Variants in STX11 observed in about 807,000 individuals in gnomAD.
STX11 encodes the protein syntaxin-11.
STX11 carries 21 observed loss-of-function variants against 19.9 expected under a neutral mutation model. The observed-to-expected ratio is 1.06, with a 90% CI of 0.75 to 1.52. The LOEUF (loss-of-function observed/expected upper bound fraction) is 1.52, where lower values mean the gene tolerates loss of function less well. Ranked by LOEUF, STX11 falls within the 40% of genes most tolerant of loss-of-function variation. The pLI is 0.00. For missense variants in STX11, 438 were observed against 405.9 expected, an observed-to-expected ratio of 1.08 and a Z score of -0.68; for synonymous variants, 193 against 174.4, an observed-to-expected ratio of 1.11 and a Z score of -0.84.
chr6:144,179,934 C>T (rs1026146891), intron 1 of STX11, among the ~76,000 whole-genome samples: 3 of 152,156 alleles, frequency 2.0e-5, no homozygotes, highest in African/African-American at 7.2e-5. Context: ...GAGTGTATAT[C>T]TTGGGGACAG....
At chr6:144,185,994 C>T (rs1802017847) in intron 1 of STX11, among the ~76,000 whole-genome samples, 1 of 151,622 alleles carries the variant, frequency 6.6e-6, no homozygotes, top group African/African-American at 2.4e-5. Flanking sequence ...GGCCCCAAAG[C>T]CTTGTAGATT....
intron 1 of STX11, among the ~76,000 whole-genome samples, chr6:144,161,004 G>T (rs1038304343): frequency 6.6e-6 from 1 of 152,134 alleles, no homozygotes; most frequent in Non-Finnish European, 1.5e-5. Flanking sequence ...TATAAAAGGA[G>T]CATATGAATG....
chr6:144,174,911 A>T lies in STX11; in HGVS notation c.-5-11712A>T, dbSNP rs1462391443. 6.6e-6 allele frequency among the ~76,000 whole-genome samples: 1 copy of T among 152,098 alleles called. No individual in the cohort carries two copies. Among genetic ancestry groups the T allele is most frequent in the Non-Finnish European group, 1.5e-5 (1 of 68,010 alleles). On this transcript the variant is annotated intron_variant, in intron 1 of 1. Coordinates refer to ENST00000367568, the MANE Select transcript of STX11 (RefSeq NM_003764.4). The surrounding 1 kb of genome is among the most constrained non-coding windows in gnomAD (Gnocchi z 5.3). ...ACTTTGGGAGGTTGAGGCAGAGGGGATCACTTGTGCTCCAGAGTTTGAGAC... is the reference window on the plus strand; with the variant it reads ...ACTTTGGGAGGTTGAGGCAGAGGGGTTCACTTGTGCTCCAGAGTTTGAGAC...
At position 144,180,316 on chromosome 6, in the gene STX11, C is replaced by G. The variant is rs1801878352; in HGVS notation, c.-5-6307C>G. Among the ~76,000 whole-genome samples the G allele has an allele frequency of 6.6e-6, 1 of 152,172 alleles. No individual in the cohort carries two copies. The highest frequency in any genetic ancestry group is 6.6e-5 in the Admixed American group (1 of 15,266). ...GAGGCATGTTGGGAACAATGACTTT[C>G]ACAATTGTTCTTTGTAGCATCCAGT... On this transcript the variant is annotated intron_variant, in intron 1 of 1. Transcript: ENST00000367568. This position sits in a 1 kb window ranked among gnomAD's most constrained non-coding sequence, Gnocchi z 5.3.
rs1801752901 is a variant in STX11, at chr6:144,175,358, T to C, written c.-5-11265T>C. On this transcript the variant is annotated intron_variant, in intron 1 of 1. Coordinates refer to ENST00000367568, the MANE Select transcript of STX11 (RefSeq NM_003764.4). This position sits in a 1 kb window ranked among gnomAD's most constrained non-coding sequence, Gnocchi z 5.1. ...CATGTTAGAATTTTATTGCTGTAAA[T>C]GGAAATGGCAATTACATAAGAGTTT... Among the ~76,000 whole-genome samples the C allele has an allele frequency of 6.6e-6, 1 of 152,228 alleles. No individual in the cohort carries two copies. The highest frequency in any genetic ancestry group is 1.5e-5 in the Non-Finnish European group (1 of 68,024).
In STX11 at chr6:144,176,740, G is replaced by A. The variant is rs566358203; in HGVS notation, c.-5-9883G>A. Among the ~76,000 whole-genome samples, 1 of 152,196 alleles carries A rather than the reference G, an allele frequency of 6.6e-6. No individual in the cohort carries two copies. The highest frequency in any genetic ancestry group is 1.9e-4 in the East Asian group (1 of 5,188). On this transcript the variant is annotated intron_variant, in intron 1 of 1. Coordinates refer to ENST00000367568, the MANE Select transcript of STX11 (RefSeq NM_003764.4). The surrounding 1 kb of genome is among the most constrained non-coding windows in gnomAD (Gnocchi z 4.1). ...ACATGGTTGAAAGATGTTAATAATG[G>A]CCATTTGAGTCATCAATAAATTGTG...
At position 144,176,733 on chromosome 6, in the gene STX11, A is replaced by T. The variant is rs1801787123; in HGVS notation, c.-5-9890A>T. ...TTTGAACACATGGTTGAAAGATGTT[A>T]ATAATGGCCATTTGAGTCATCAATA... On this transcript the variant is annotated intron_variant, in intron 1 of 1. Coordinates refer to ENST00000367568, the MANE Select transcript of STX11 (RefSeq NM_003764.4). This position sits in a 1 kb window ranked among gnomAD's most constrained non-coding sequence, Gnocchi z 4.1. Among the ~76,000 whole-genome samples the T allele has an allele frequency of 6.6e-6, 1 of 152,202 alleles. No individual in the cohort carries two copies.
Position 144,153,872 on chromosome 6 carries a change from G to T in STX11, c.-6+3169G>T, listed in dbSNP as rs1199451876. Among the ~76,000 whole-genome samples the T allele has an allele frequency of 6.6e-6, 1 of 152,194 alleles. No homozygotes were observed. Among genetic ancestry groups the T allele is most frequent in the Non-Finnish European group, 1.5e-5 (1 of 68,028 alleles). On this transcript the variant is annotated intron_variant, in intron 1 of 1. Coordinates refer to ENST00000367568, the MANE Select transcript of STX11 (RefSeq NM_003764.4). This position sits in a 1 kb window ranked among gnomAD's most constrained non-coding sequence, Gnocchi z 5.0. ...GACTAGGATAAGAATATCCTACTCG[G>T]TGGAAGAATAGGTTTGGGCTAAAGG...
At chr6:144,181,749 G>A (rs916914553) in intron 1 of STX11, among the ~76,000 whole-genome samples, 2 of 152,130 alleles carry the variant, frequency 1.3e-5, no homozygotes, top group African/African-American at 4.8e-5. Context: ...AAGCTCTCCA[G>A]AAGATTCTGT....
intron 1 of STX11, among the ~76,000 whole-genome samples, chr6:144,173,101 CT>C (rs1801684471): frequency 6.6e-6 from 1 of 152,196 alleles, no homozygotes; most frequent in Non-Finnish European, 1.5e-5. Flanking sequence ...CAACAAATGG[CT>C]TATTTTTGCT....
intron 1 of STX11, among the ~76,000 whole-genome samples, chr6:144,163,874 G>A (rs907501383): frequency 2.0e-5 from 3 of 152,142 alleles, no homozygotes; most frequent in Non-Finnish European, 4.4e-5. Flanking sequence ...TGAGCCCAGT[G>A]GATGGAGGCT....
At position 144,159,024 on chromosome 6, in the gene STX11, AG is replaced by A. The variant is rs1801254498; in HGVS notation, c.-6+8322del. The stretch of plus-strand genomic sequence containing the variant: ...GACTGACTTCTCAAAGTATTCCCAT[AG>A]ATCCCTCTATTATGGCATTTATTAT... On this transcript the variant is annotated intron_variant, in intron 1 of 1. Coordinates refer to ENST00000367568, the MANE Select transcript of STX11 (RefSeq NM_003764.4). This position sits in a 1 kb window ranked among gnomAD's most constrained non-coding sequence, Gnocchi z 4.3. 2.6e-5 allele frequency among the ~76,000 whole-genome samples: 4 copies of A among 152,212 alleles called. No homozygotes were observed. The highest frequency in any genetic ancestry group is 2.1e-4 in the South Asian group (1 of 4,830).
upstream of STX11, among the ~76,000 whole-genome samples, chr6:144,149,748 A>G (rs1033518369): frequency 5.9e-5 from 9 of 152,156 alleles, no homozygotes; most frequent in African/African-American, 2.2e-4. The surrounding 1 kb of genome is among the most constrained non-coding windows in gnomAD (Gnocchi z 5.1). Flanking sequence ...AGTGTTAGGA[A>G]TACGCGCGTG....
At chr6:144,140,899 A>ATC in the STX11 span, 5 of 621,126 alleles carry the variant, frequency 8.0e-6, no homozygotes, top group Non-Finnish European at 1.0e-5. Context: ...CAAATGTTTA[A>ATC]TGTATCTGTG....
chr6:144,187,290 C>T lies in STX11; in HGVS notation c.663C>T (p.Ile221=). 1 of 1,612,968 alleles carries T rather than the reference C, an allele frequency of 6.2e-7. No individual in the cohort carries two copies. The highest frequency in any genetic ancestry group is 8.5e-7 in the Non-Finnish European group (1 of 1,179,972). ...AACTGCTGCGCCTGGAGAGCCGCAT[C>T]CGCGACGTACACGAGCTCTTCTTGC... ...HRELLRLESR[I]RDVHELFLQM... The change falls in exon 2 of 2, where the codon ATC becomes ATT. Residue 221 remains isoleucine, a synonymous_variant. Coordinates refer to ENST00000367568, the MANE Select transcript of STX11 (RefSeq NM_003764.4). The surrounding 1 kb of genome is among the most constrained non-coding windows in gnomAD (Gnocchi z 5.6).
In STX11 at chr6:144,159,995, A is replaced by C. The variant is rs866220066; in HGVS notation, c.-6+9292A>C. The stretch of plus-strand genomic sequence containing the variant: ...GGGTCCTTTTTCTCCTTTTCTGGCC[A>C]GTTCTTGTTTTTTAAAAAAATATTA... On this transcript the variant is annotated intron_variant, in intron 1 of 1. Coordinates refer to ENST00000367568, the MANE Select transcript of STX11 (RefSeq NM_003764.4). The surrounding 1 kb of genome is among the most constrained non-coding windows in gnomAD (Gnocchi z 4.3). 2.0e-5 allele frequency among the ~76,000 whole-genome samples: 3 copies of C among 151,832 alleles called. 1 individual carries two copies. In the South Asian group the frequency reaches 6.3e-4, roughly 32 times the overall value.
the STX11 span, among the ~76,000 whole-genome samples, chr6:144,144,602 C>T: frequency 6.6e-6 from 1 of 152,130 alleles, no homozygotes; most frequent in East Asian, 1.9e-4. Flanking sequence ...AAATAGTAGA[C>T]ACTAGTTATC....
At chr6:144,141,397 G>A in the STX11 span, among the ~76,000 whole-genome samples, 1 of 152,270 alleles carries the variant, frequency 6.6e-6, no homozygotes, top group Admixed American at 6.5e-5. Flanking sequence ...GGAATTATAG[G>A]CAGGACCACA....
At chr6:144,181,821 T>C (rs2128754853) in intron 1 of STX11, among the ~76,000 whole-genome samples, 3 of 152,260 alleles carry the variant, frequency 2.0e-5, no homozygotes, top group Middle Eastern at 6.8e-3. Context: ...TGTTTTCTCT[T>C]ACACAAAACT....
Sources: allele counts gnomAD v4.1 joint callset (sites outside exome capture counted in the v4.1 genomes callset), GRCh38; gene constraint gnomAD v4.1.1; non-coding constraint Gnocchi (gnomAD v3.1); transcripts MANE v1.5; gene names NCBI Gene and HGNC (gene_info 2026-07-23, HGNC 2026-07-21).